DNASE2: variants seen among roughly 807,000 people sequenced by gnomAD.
DNASE2 encodes the protein deoxyribonuclease 2, lysosomal, also known as deoxyribonuclease-2-alpha.
In DNASE2, 26 loss-of-function variants were observed where a neutral mutation model predicts 29.8. The ratio of observed to expected loss-of-function variants is 0.87; its 90% confidence interval spans 0.64 to 1.21. The LOEUF (loss-of-function observed/expected upper bound fraction) is 1.21, where lower values mean the gene tolerates loss of function less well. DNASE2 is among the 50% of genes most tolerant of loss of function. The pLI, the probability that DNASE2 is intolerant of heterozygous loss-of-function variation, is 0.00. For synonymous variants in DNASE2, 186 were observed against 193.5 expected (o/e 0.96, Z 0.32); for missense variants, 415 against 455.6 (o/e 0.91, Z 0.81).
chr19:12,876,259 G>T lies in DNASE2; in HGVS notation c.814C>A (p.Gln272Lys). ...ILPSNCSDIW[Q>K]VLNVNQIAFP... ...GCTATCTGGTTCACATTCAGAACCT[G>T]CCAGATATCCGAGCAGTTAGAGGGC... The change falls in exon 6 of 6, where the codon CAG (glutamine) becomes AAG (lysine). Residue 272 changes from glutamine (Q) to lysine (K), a missense_variant. Gln to Lys is a moderately conservative substitution (Grantham distance 53, BLOSUM62 1). Transcript: ENST00000222219. 1 of 1,614,178 alleles carries T rather than the reference G, an allele frequency of 6.2e-7. No homozygotes were observed. Among genetic ancestry groups the T allele is most frequent in the South Asian group, 1.1e-5 (1 of 91,090 alleles).
rs780396054 is a variant in DNASE2, at chr19:12,876,288, A to C, written c.785T>G (p.Ile262Ser). 1 of 1,614,102 alleles carries C rather than the reference A, an allele frequency of 6.2e-7. No individual in the cohort carries two copies. The highest frequency in any genetic ancestry group is 1.1e-5 in the South Asian group (1 of 91,088). Residue 262 changes from isoleucine (I) to serine (S), a missense_variant, in exon 6 of 6, where the codon ATC becomes AGC. By Grantham distance (142) the Ile-to-Ser change is moderately radical. Coordinates refer to ENST00000222219, the MANE Select transcript of DNASE2 (RefSeq NM_001375.3). Reference sequence around the variant, plus strand: ...GATATCCGAGCAGTTAGAGGGCAGGATGCCTACAGTTTTGTGCCAGAACTG... The same window carrying C: ...GATATCCGAGCAGTTAGAGGGCAGGCTGCCTACAGTTTTGTGCCAGAACTG... Reference protein sequence around the residue: ...QVQFWHKTVGILPSNCSDIWQ... With the variant: ...QVQFWHKTVGSLPSNCSDIWQ...
Position 12,880,831 on chromosome 19 carries a change from T to C in DNASE2, c.317A>G (p.Gln106Arg), listed in dbSNP as rs1253443829. ...CGTGTGCCCACGCATGGAAGAGTCC[T>C]GAGCCTTGCTGGGTTGAGGCGGTTG... ...NDQPPQPSKA[Q>R]DSSMRGHTKG... is the part of the protein sequence containing the mutation. The change falls in exon 3 of 6, where the codon CAG becomes CGG. Residue 106 changes from glutamine (Q) to arginine (R), a missense_variant. By Grantham distance (43) the Gln-to-Arg change is conservative. Coordinates refer to ENST00000222219, the MANE Select transcript of DNASE2 (RefSeq NM_001375.3). 1 of 1,614,218 alleles carries C rather than the reference T, an allele frequency of 6.2e-7. No homozygotes were observed. The highest frequency in any genetic ancestry group is 8.5e-7 in the Non-Finnish European group (1 of 1,180,046).
rs771385627 is a variant in DNASE2 at position 12,875,970 on chromosome 19, A to G, written c.*20T>C. On this transcript the variant is annotated 3_prime_UTR_variant, in exon 6 of 6. Transcript: ENST00000222219. ...AGTGCTGGGATTACATACGTGAGCC[A>G]CTGCACCTGGCCATAAGGGTTAGAT... 4.3e-6 allele frequency: 7 copies of G among 1,611,786 alleles called. No individual in the cohort carries two copies. In the South Asian group the frequency reaches 7.7e-5, roughly 18 times the overall value.
chr19:12,879,387 T>G (rs1463233420), intron 3 of DNASE2, among the ~76,000 whole-genome samples: 6 of 137,712 alleles, frequency 4.4e-5, no homozygotes, highest in South Asian at 4.6e-4. Flanking sequence ...GGGAGGCTGA[T>G]GCAGGAGAAT....
rs762825662 is a variant in DNASE2, at chr19:12,881,172, C to T, written c.87-20G>A. 4 of 1,611,598 alleles carry T rather than the reference C, an allele frequency of 2.5e-6. No individual in the cohort carries two copies. Among genetic ancestry groups the T allele is most frequent in the African/African-American group, 1.3e-5 (1 of 74,918 alleles). Reference sequence around the variant, plus strand: ...ACGAACCTGGAGGTCGGAGAATGCACAGAAATAGGAGAGAGGGAAGAGAAG... The same window carrying T: ...ACGAACCTGGAGGTCGGAGAATGCATAGAAATAGGAGAGAGGGAAGAGAAG... On this transcript the variant is annotated intron_variant, in intron 1 of 5. Coordinates refer to ENST00000222219, the MANE Select transcript of DNASE2 (RefSeq NM_001375.3).
chr19:12,878,626 G>A (rs779171808), intron 4 of DNASE2, 44 bp downstream of exon 4: 2 of 1,613,902 alleles, frequency 1.2e-6, no homozygotes, highest in South Asian at 2.2e-5. Flanking sequence ...CCAGGTTCTG[G>A]TCAGTAAACC....
intron 3 of DNASE2, 52 bp downstream of exon 3, chr19:12,880,750 C>T: frequency 1.2e-6 from 2 of 1,611,884 alleles, no homozygotes; most frequent in Non-Finnish European, 1.7e-6. Flanking sequence ...TCAGGGGTTA[C>T]CTTGGAAAAA....
At position 12,875,510 on chromosome 19, in the gene DNASE2, G is replaced by C. The variant is rs1970308036; in HGVS notation, c.*480C>G. The stretch of plus-strand genomic sequence containing the variant: ...GAGTTCAAGCGATTCTCCTGCCTCA[G>C]CCTCCCGAGGAGCTAGGACCACAGA... On this transcript the variant is annotated 3_prime_UTR_variant, in exon 6 of 6. Transcript: ENST00000222219. 5 of 165,044 alleles carry C rather than the reference G, an allele frequency of 3.0e-5. No individual in the cohort carries two copies. The allele number at this position is 165,044 out of a possible 1,614,324, so 10.2% of individuals were successfully genotyped here.
At chr19:12,876,556 T>C (rs1382627327) in intron 5 of DNASE2, among the ~76,000 whole-genome samples, 193 bp from the exon 6 acceptor site, 1 of 147,010 alleles carries the variant, frequency 6.8e-6, no homozygotes, top group Non-Finnish European at 1.5e-5. Context: ...GCCTCCGAGG[T>C]TCAAGTGATT....
In DNASE2 at chr19:12,875,741, C is replaced by T. The variant is rs186272174; in HGVS notation, c.*249G>A. 8.3e-5 allele frequency: 32 copies of T among 384,382 alleles called. No individual in the cohort carries two copies. The highest frequency in any genetic ancestry group is 2.5e-4 in the Admixed American group (6 of 23,796). The allele number at this position is 384,382 out of a possible 1,614,324, so 23.8% of individuals were successfully genotyped here. On this transcript the variant is annotated 3_prime_UTR_variant, in exon 6 of 6. Transcript: ENST00000222219. ...TTGAAACAGAGTCTTGCTATGTGAC[C>T]CAGGTTGGCGTAATCATAGTTCACT... is the stretch of plus-strand genomic sequence containing the variant.
At chr19:12,877,212 C>T (rs998902211) in intron 5 of DNASE2, among the ~76,000 whole-genome samples, 5 of 151,944 alleles carry the variant, frequency 3.3e-5, no homozygotes, top group Admixed American at 6.6e-5. Context: ...GGTGAGCCAC[C>T]GCGTCCGGCC....
chr19:12,878,488 G>A lies in DNASE2; in HGVS notation c.603C>T (p.Val201=). 1 of 1,614,058 alleles carries A rather than the reference G, an allele frequency of 6.2e-7. No individual in the cohort carries two copies. Residue 201 remains valine, a synonymous_variant, in exon 5 of 6, where the codon GTC becomes GTT. Transcript: ENST00000222219. ...GTTCTTGGCTAACGTGGTGGCCCTTGACCACATTCTCCAAGTCGGGGAATT... is the reference window on the plus strand; with the variant it reads ...GTTCTTGGCTAACGTGGTGGCCCTTAACCACATTCTCCAAGTCGGGGAATT... ...AQEFPDLENV[V]KGHHVSQEPW... is the part of the protein sequence containing the mutation.
chr19:12,879,166 A>AAG (rs1339540525), intron 3 of DNASE2, among the ~76,000 whole-genome samples: 38,720 of 139,646 alleles, frequency 0.28, 5,681 homozygotes, highest in East Asian at 0.6. Flanking sequence ...AAGTAAGTAA[A>AAG]TAAATAAATA....
intron 3 of DNASE2, among the ~76,000 whole-genome samples, chr19:12,880,232 C>A (rs1258052524): frequency 6.6e-6 from 1 of 151,796 alleles, no homozygotes; most frequent in Non-Finnish European, 1.5e-5. Context: ...TGATACTGCA[C>A]TCCAGCCTAG....
chr19:12,880,682 G>A (rs1005804000), intron 3 of DNASE2, 120 bp downstream of exon 3: 1 of 1,338,080 alleles, frequency 7.5e-7, no homozygotes, highest in Non-Finnish European at 1.1e-6. Flanking sequence ...AAAAAAAGTT[G>A]GGGGGAATAG....
At chr19:12,878,948 G>C (rs1970348821) in intron 3 of DNASE2, 114 bp from the exon 4 acceptor site, 5 of 1,351,462 alleles carry the variant, frequency 3.7e-6, no homozygotes, top group Non-Finnish European at 5.1e-6. Flanking sequence ...TTAGAAATCA[G>C]CCTGGCCAAC....
At position 12,876,352 on chromosome 19, in the gene DNASE2, C is replaced by CA. The variant is rs1568417872; in HGVS notation, c.720_721insT (p.Gly241TrpfsTer26). The CA allele has an allele frequency of 1.9e-6, 3 of 1,612,710 alleles. No homozygotes were observed. Among genetic ancestry groups the CA allele is most frequent in the Non-Finnish European group, 8.5e-7 (1 of 1,179,978 alleles). On this transcript the variant is annotated frameshift_variant, in exon 6 of 6. Transcript: ENST00000222219. LOFTEE classifies it low-confidence loss of function (END_TRUNC). Reference sequence around the variant, plus strand: ...GTACCAAGGGCTGCTGCCAACCAGCCGGAGTACAGGTCTGCAAAGGATGGA... The same window carrying CA: ...GTACCAAGGGCTGCTGCCAACCAGCCAGGAGTACAGGTCTGCAAAGGATGGA...
intron 5 of DNASE2, among the ~76,000 whole-genome samples, chr19:12,876,607 G>A (rs1970324305): frequency 6.7e-6 from 1 of 150,294 alleles, no homozygotes; most frequent in Admixed American, 6.6e-5. Context: ...CTACAGGCAT[G>A]CACAACCATA....
At chr19:12,878,933 A>G (rs1970348528) in intron 3 of DNASE2, 99 bp from the exon 4 acceptor site, 1 of 1,442,012 alleles carries the variant, frequency 6.9e-7, no homozygotes, top group Non-Finnish European at 9.5e-7. Flanking sequence ...ACCTGAGGTC[A>G]GGAGTTAGAA....
Sources: allele counts gnomAD v4.1 joint callset (sites outside exome capture counted in the v4.1 genomes callset), GRCh38; gene constraint gnomAD v4.1.1; transcripts MANE v1.5; gene names NCBI Gene and HGNC (gene_info 2026-07-23, HGNC 2026-07-21).